The following RNF220 variants were observed in gnomAD, a reference collection of about 807,000 sequenced individuals.
The protein encoded by RNF220 is ring finger protein 220, also known as E3 ubiquitin-protein ligase RNF220.
Under a neutral mutation model 67.1 loss-of-function variants are expected in RNF220, and 7 were observed. The ratio of observed to expected loss-of-function variants is 0.10; its 90% confidence interval spans 0.06 to 0.20. The LOEUF (loss-of-function observed/expected upper bound fraction) is 0.20, where lower values mean the gene tolerates loss of function less well. Among genes scored for constraint, RNF220 ranks in the 10% least tolerant of loss-of-function variants. The pLI is 1.00. For synonymous variants in RNF220, 270 were observed against 283.2 expected, an observed-to-expected ratio of 0.95 and a Z score of 0.47; for missense variants, 565 against 740.3, an observed-to-expected ratio of 0.76 and a Z score of 2.75.
chr1:44,576,034 A>T (rs768586675), intron 2 of RNF220, among the ~76,000 whole-genome samples: 3 of 152,242 alleles, frequency 2.0e-5, no homozygotes, highest in Non-Finnish European at 4.4e-5. Flanking sequence ...CGTAGAGATC[A>T]CTTGGGTGAT....
At chr1:44,464,911 C>T (rs1258575473) in intron 2 of RNF220, among the ~76,000 whole-genome samples, 1 of 152,148 alleles carries the variant, frequency 6.6e-6, no homozygotes. Flanking sequence ...CATCAGCATC[C>T]ACATCATCAT....
chr1:44,408,722 A>G (rs558349314), intron 1 of RNF220: 3 of 152,138 alleles, frequency 2.0e-5, no homozygotes, highest in African/African-American at 7.2e-5. Flanking sequence ...TAAGCAGAGG[A>G]GTGTTGTGTG....
At chr1:44,616,296 G>A (rs1269029201) in intron 3 of RNF220, among the ~76,000 whole-genome samples, 1 of 152,192 alleles carries the variant, frequency 6.6e-6, no homozygotes, top group East Asian at 1.9e-4. Flanking sequence ...ACCCATTGAA[G>A]GGAGGAGTAT....
At chr1:44,411,674 C>T (rs903002763) in intron 1 of RNF220, among the ~76,000 whole-genome samples, 2 of 152,174 alleles carry the variant, frequency 1.3e-5, no homozygotes, top group African/African-American at 4.8e-5. Flanking sequence ...TTCCAAAGCT[C>T]ATTTGTTCAG....
intron 1 of RNF220, among the ~76,000 whole-genome samples, chr1:44,411,124 G>C (rs1325916808): frequency 6.6e-6 from 1 of 152,226 alleles, no homozygotes; most frequent in Non-Finnish European, 1.5e-5. Context: ...TTAAGAGTGA[G>C]TGCATTAGTA....
intron 2 of RNF220, among the ~76,000 whole-genome samples, chr1:44,475,920 G>A (rs1289405575): frequency 6.6e-6 from 1 of 151,196 alleles, no homozygotes; most frequent in African/African-American, 2.5e-5. Context: ...GCTGAGGTAG[G>A]AGAATCAGTT....
At chr1:44,509,265 A>G (rs1658724389) in intron 2 of RNF220, among the ~76,000 whole-genome samples, 1 of 152,156 alleles carries the variant, frequency 6.6e-6, no homozygotes, top group South Asian at 2.1e-4. Flanking sequence ...AAATAGGCAT[A>G]GGCAGCCGGG....
intron 2 of RNF220, among the ~76,000 whole-genome samples, chr1:44,422,725 G>A (rs1441134884): frequency 6.6e-6 from 1 of 152,164 alleles, no homozygotes; most frequent in Non-Finnish European, 1.5e-5. Flanking sequence ...TGACTCTGTA[G>A]TATTGAATCC....
chr1:44,609,912 C>T (rs1402389798), intron 2 of RNF220, among the ~76,000 whole-genome samples: 1 of 152,216 alleles, frequency 6.6e-6, no homozygotes, highest in African/African-American at 2.4e-5. Context: ...ACCTGATTCC[C>T]CTGACTCCCG....
At chr1:44,582,542 A>C (rs1027230544) in intron 2 of RNF220, among the ~76,000 whole-genome samples, 1 of 152,138 alleles carries the variant, frequency 6.6e-6, no homozygotes, top group African/African-American at 2.4e-5. Context: ...GGATCACTTG[A>C]GGTTAGGAGT....
chr1:44,424,551 G>C (rs1198454838), intron 2 of RNF220, among the ~76,000 whole-genome samples: 1 of 152,168 alleles, frequency 6.6e-6, no homozygotes, highest in African/African-American at 2.4e-5. Context: ...GAGGACTAGT[G>C]GGGAGGAAAG....
At chr1:44,449,836 G>T (rs146726342) in intron 2 of RNF220, among the ~76,000 whole-genome samples, 2 of 152,196 alleles carry the variant, frequency 1.3e-5, no homozygotes, top group Non-Finnish European at 2.9e-5. Context: ...ATCAGTTTCT[G>T]TATCTGTAGA....
intron 2 of RNF220, among the ~76,000 whole-genome samples, chr1:44,426,692 A>C (rs1572462276): frequency 6.7e-6 from 1 of 149,608 alleles, no homozygotes; most frequent in African/African-American, 2.4e-5. Flanking sequence ...GTGCCACTGC[A>C]CTCCAGCCTG....
At position 44,632,395 on chromosome 1, in the gene RNF220, G is replaced by C. The variant is rs1348412945; in HGVS notation, c.949+10G>C. The C allele has an allele frequency of 1.2e-6, 2 of 1,611,230 alleles. No homozygotes were observed. Among genetic ancestry groups the C allele is most frequent in the East Asian group, 4.5e-5 (2 of 44,788 alleles). On this transcript the variant is annotated intron_variant, in intron 6 of 14. Coordinates refer to ENST00000361799, the MANE Select transcript of RNF220 (RefSeq NM_018150.4). ...CAGACCCGACTGAATGGTGAGTCCT[G>C]CCCGGCCCCTCCCTCCGCCCCACCC...
At chr1:44,470,871 G>A (rs1017936294) in intron 2 of RNF220, among the ~76,000 whole-genome samples, 6 of 151,772 alleles carry the variant, frequency 4.0e-5, no homozygotes, top group South Asian at 4.2e-4. Flanking sequence ...CCTCTCTATC[G>A]TGGCCTGACA....
intron 2 of RNF220, among the ~76,000 whole-genome samples, chr1:44,611,878 T>TG (rs562508998): frequency 1.5e-3 from 227 of 152,332 alleles, no homozygotes; most frequent in African/African-American, 5.3e-3. Context: ...AAAAGCCGAG[T>TG]ACAGAGGTCT....
intron 2 of RNF220, among the ~76,000 whole-genome samples, chr1:44,493,033 C>G (rs1018185081): frequency 7.9e-5 from 12 of 151,932 alleles, no homozygotes; most frequent in African/African-American, 2.7e-4. Context: ...GCTGGGACTA[C>G]AAATGCATGC....
At chr1:44,457,493 A>T (rs1383602588) in intron 2 of RNF220, among the ~76,000 whole-genome samples, 1 of 152,164 alleles carries the variant, frequency 6.6e-6, no homozygotes, top group Non-Finnish European at 1.5e-5. Context: ...GACTAGAAAG[A>T]CGGGCAAGAG....
intron 2 of RNF220, among the ~76,000 whole-genome samples, chr1:44,429,948 C>G (rs112896573): frequency 1.3e-5 from 2 of 151,630 alleles, no homozygotes; most frequent in African/African-American, 2.4e-5. Context: ...AACAAACAAT[C>G]TAAATGTACA....
Sources: allele counts gnomAD v4.1 joint callset (sites outside exome capture counted in the v4.1 genomes callset), GRCh38; gene constraint gnomAD v4.1.1; transcripts MANE v1.5; gene names NCBI Gene and HGNC (gene_info 2026-07-23, HGNC 2026-07-21).